OXSR1: variants seen among roughly 807,000 people sequenced by gnomAD.
OXSR1 encodes oxidative stress responsive kinase 1.
A neutral mutation model predicts 79.8 loss-of-function variants in OXSR1; 24 were observed. That is an observed-to-expected ratio of 0.30 (90% CI 0.22 to 0.42). OXSR1 has a LOEUF of 0.42. OXSR1 is among the 10% of genes least tolerant of loss of function. OXSR1 has a pLI of 1.00. For missense variants in OXSR1, 430 were observed against 618.4 expected (o/e 0.70, Z 3.23); for synonymous variants, 226 against 209.2 (o/e 1.08, Z -0.69).
chr3:38,240,774 ATT>A (rs982217126), intron 11 of OXSR1, among the ~76,000 whole-genome samples: 11 of 152,198 alleles, frequency 7.2e-5, no homozygotes, highest in Non-Finnish European at 1.3e-4. Context: ...ATCTGGGACA[ATT>A]TAACCACCAA....
At chr3:38,165,017 C>T (rs1450273119), upstream of OXSR1, 1 of 152,248 alleles carries the variant, frequency 6.6e-6, no homozygotes, top group East Asian at 1.9e-4. Context: ...TCGCACGTCT[C>T]GAGGGTGTGA....
chr3:38,175,399 A>G (rs1701658139), intron 1 of OXSR1, among the ~76,000 whole-genome samples: 1 of 152,078 alleles, frequency 6.6e-6, no homozygotes, highest in South Asian at 2.1e-4. Context: ...TCCCAGGTTC[A>G]AGCCATCCTC....
At chr3:38,197,896 T>G (rs1361623528) in intron 3 of OXSR1, among the ~76,000 whole-genome samples, 1 of 152,246 alleles carries the variant, frequency 6.6e-6, no homozygotes, top group Non-Finnish European at 1.5e-5. Flanking sequence ...TTCTTTGCAG[T>G]CTATGTAATG....
chr3:38,173,546 A>C (rs1425986035), intron 1 of OXSR1, among the ~76,000 whole-genome samples: 1 of 152,214 alleles, frequency 6.6e-6, no homozygotes, highest in Non-Finnish European at 1.5e-5. Flanking sequence ...ATTAGATGAA[A>C]AGAAGAAATG....
At position 38,254,501 on chromosome 3, in the gene OXSR1, G is replaced by T. The variant is rs1703321141; in HGVS notation, c.*1610G>T. On this transcript the variant is annotated 3_prime_UTR_variant, in exon 18 of 18. Coordinates refer to ENST00000311806, the MANE Select transcript of OXSR1 (RefSeq NM_005109.3). Reference sequence around the variant, plus strand: ...AGATGATCAGACACCGGAGTTCAACGTCCCAGCAGTCTTGGTAAAAGGAGG... The same window carrying T: ...AGATGATCAGACACCGGAGTTCAACTTCCCAGCAGTCTTGGTAAAAGGAGG... The T allele has an allele frequency of 2.8e-6, 1 of 362,428 alleles. No homozygotes were observed. The highest frequency in any genetic ancestry group is 2.1e-5 in the African/African-American group (1 of 47,920). 22.5% of individuals were successfully genotyped at this position (362,428 alleles called of 1,614,324 possible). A position where few individuals can be genotyped will look rare whatever the true frequency, so the allele number is the denominator to read the frequency against.
At chr3:38,204,819 T>C (rs1425532723) in intron 4 of OXSR1, among the ~76,000 whole-genome samples, 1 of 149,906 alleles carries the variant, frequency 6.7e-6, no homozygotes, top group Non-Finnish European at 1.5e-5. Flanking sequence ...GGCTGCCCCA[T>C]TGGTGTCTCA....
intron 2 of OXSR1, among the ~76,000 whole-genome samples, chr3:38,189,422 A>T (rs1188585217): frequency 6.6e-6 from 1 of 152,048 alleles, no homozygotes; most frequent in East Asian, 1.9e-4. Context: ...TTTCATATTT[A>T]CTTAGCTTTT....
At chr3:38,211,802 C>G (rs1575341271) in intron 4 of OXSR1, among the ~76,000 whole-genome samples, 4 of 152,278 alleles carry the variant, frequency 2.6e-5, no homozygotes, top group Admixed American at 2.0e-4. Flanking sequence ...ATTTCTGAAC[C>G]TTGAGAATTT....
At chr3:38,217,505 A>G (rs527628543) in intron 5 of OXSR1, among the ~76,000 whole-genome samples, 30 of 152,138 alleles carry the variant, frequency 2.0e-4, no homozygotes, top group African/African-American at 6.5e-4. Flanking sequence ...TATATACTGG[A>G]ATACCGGGTT....
At chr3:38,221,889 G>A (rs1702597770) in intron 6 of OXSR1, among the ~76,000 whole-genome samples, 1 of 152,012 alleles carries the variant, frequency 6.6e-6, no homozygotes, top group Non-Finnish European at 1.5e-5. Context: ...TGAAACTCAG[G>A]AATAATATAA....
intron 5 of OXSR1, 58 bp from the exon 6 acceptor site, chr3:38,221,520 C>T: frequency 3.4e-6 from 3 of 879,102 alleles, no homozygotes; most frequent in East Asian, 2.5e-5. Context: ...TATTGTTTTC[C>T]TATTCATTTA....
At chr3:38,203,346 C>G (rs969128777) in intron 4 of OXSR1, among the ~76,000 whole-genome samples, 6 of 152,140 alleles carry the variant, frequency 3.9e-5, no homozygotes, top group Non-Finnish European at 7.4e-5. Context: ...CCCAGCCGTT[C>G]CGGGCCACTA....
At chr3:38,166,001 G>T in intron 1 of OXSR1, 55 bp downstream of exon 1, 2 of 1,491,180 alleles carry the variant, frequency 1.3e-6, no homozygotes, top group South Asian at 1.2e-5. Context: ...CGGGGGACAC[G>T]GGAACGTGGG....
chr3:38,165,537 G>A lies in OXSR1; in HGVS notation c.-340G>A, dbSNP rs1209032147. ...CAGGTGGAGGAAGAGGGGAAAGTTTGGCCCGTGCGTGGGGCTGGGGTGGAG... is the reference window on the plus strand; with the variant it reads ...CAGGTGGAGGAAGAGGGGAAAGTTTAGCCCGTGCGTGGGGCTGGGGTGGAG... On this transcript the variant is annotated 5_prime_UTR_variant, in exon 1 of 18. Transcript: ENST00000311806. The A allele has an allele frequency of 1.6e-5, 5 of 313,010 alleles. No individual in the cohort carries two copies. The highest frequency in any genetic ancestry group is 8.9e-5 in the African/African-American group (4 of 45,058). 19.4% of individuals were successfully genotyped at this position (313,010 alleles called of 1,614,324 possible).
At chr3:38,226,750 G>C (rs1208433968) in intron 8 of OXSR1, among the ~76,000 whole-genome samples, 1 of 151,884 alleles carries the variant, frequency 6.6e-6, no homozygotes, top group Non-Finnish European at 1.5e-5. Context: ...CTTCAAAACT[G>C]TCAAGGAAGA....
intron 5 of OXSR1, among the ~76,000 whole-genome samples, chr3:38,217,544 T>C (rs1315253943): frequency 6.6e-6 from 1 of 152,134 alleles, no homozygotes; most frequent in Non-Finnish European, 1.5e-5. Flanking sequence ...TGTTTGTTTT[T>C]TTTGAGACAG....
chr3:38,251,359 A>G lies in OXSR1; in HGVS notation c.1376-44A>G. ...ATGAGCTGTGAGAGTTAACAGTGGCAAGCACGCACAAAAAACAGAGCACTG... is the reference window on the plus strand; with the variant it reads ...ATGAGCTGTGAGAGTTAACAGTGGCGAGCACGCACAAAAAACAGAGCACTG... On this transcript the variant is annotated intron_variant, in intron 15 of 17. Transcript: ENST00000311806. 3 of 1,513,324 alleles carry G rather than the reference A, an allele frequency of 2.0e-6. No individual in the cohort carries two copies. The East Asian group carries it at 6.8e-5, about 34-fold the overall frequency. The allele number at this position is 1,513,324 out of a possible 1,614,324, so 93.7% of individuals were successfully genotyped here.
At chr3:38,210,901 CT>C (rs1337656564) in intron 4 of OXSR1, among the ~76,000 whole-genome samples, 1 of 152,154 alleles carries the variant, frequency 6.6e-6, no homozygotes, top group Non-Finnish European at 1.5e-5. Flanking sequence ...ATGTCCAAAG[CT>C]TTTCCTGTAT....
chr3:38,183,151 T>G (rs747748430), intron 2 of OXSR1, 36 bp downstream of exon 2: 1 of 1,084,054 alleles, frequency 9.2e-7, no homozygotes, highest in Admixed American at 1.9e-5. Context: ...TGGAGAGATA[T>G]ACTCATATAT....
Sources: allele counts gnomAD v4.1 joint callset (sites outside exome capture counted in the v4.1 genomes callset), GRCh38; gene constraint gnomAD v4.1.1; transcripts MANE v1.5; gene names NCBI Gene and HGNC (gene_info 2026-07-23, HGNC 2026-07-21).